Variants in CELSR2 observed in about 807,000 individuals in gnomAD.
CELSR2 encodes cadherin EGF LAG seven-pass G-type receptor 2.
CELSR2 carries 81 observed loss-of-function variants against 251.6 expected under a neutral mutation model. The ratio of observed to expected loss-of-function variants is 0.32; its 90% CI spans 0.27 to 0.39. The LOEUF is 0.39. Among genes scored for constraint, CELSR2 ranks in the 10% least tolerant of loss-of-function variants. The pLI, the probability that CELSR2 is intolerant of heterozygous loss-of-function variation, is 1.00. For synonymous variants in CELSR2, 1,721 were observed against 1,670.5 expected (o/e 1.03, Z -0.74); for missense variants, 3,365 against 3,947.7 (o/e 0.85, Z 3.96).
chr1:109,261,102 G>C lies in CELSR2; in HGVS notation c.4019G>C (p.Gly1340Ala). Residue 1340 changes from glycine to alanine, a missense_variant, in exon 3 of 34, where the codon GGG (glycine) becomes GCG (alanine). Gly to Ala is a moderately conservative substitution (Grantham distance 60, BLOSUM62 0). This residue lies in a region of CELSR2 where 2,093 missense variants were observed against 2,382.8 expected (regional missense o/e 0.88). Coordinates refer to ENST00000271332, the MANE Select transcript of CELSR2 (RefSeq NM_001408.3). The surrounding 1 kb of genome is among the most constrained non-coding windows in gnomAD (Gnocchi z 4.8). ...GRCTPGVCKN[G>A]GTCVNLLVGG... ...TGCACCCCGGGTGTCTGCAAGAATG[G>C]GGGCACCTGTGTCAACCTGCTGGTG... 1 of 1,614,138 alleles carries C rather than the reference G, an allele frequency of 6.2e-7. No homozygotes were observed. The highest frequency in any genetic ancestry group is 8.5e-7 in the Non-Finnish European group (1 of 1,180,016).
rs1297043677 is a variant in CELSR2 at position 109,249,827 on chromosome 1, GC to G, written c.-252del. On this transcript the variant is annotated 5_prime_UTR_variant, in exon 1 of 34. Transcript: ENST00000271332. ...GTGAGTGCCCGGAGCGCAGGTGGAG[GC>G]GCGGCGGCAGCCCGCGGTGCTCAGG... 6.7e-6 allele frequency among the ~76,000 whole-genome samples: 1 copy of G among 150,112 alleles called. No individual in the cohort carries two copies. The highest frequency in any genetic ancestry group is 6.6e-5 in the Admixed American group (1 of 15,108).
intron 17 of CELSR2, 111 bp from the exon 18 acceptor site, chr1:109,268,470 G>A: frequency 1.5e-6 from 2 of 1,375,130 alleles, no homozygotes; most frequent in Non-Finnish European, 1.9e-6. Flanking sequence ...TGAGCACAGA[G>A]GGAGGGGCCT....
At position 109,252,334 on chromosome 1, in the gene CELSR2, A is replaced by G; in HGVS notation, c.2255A>G (p.Glu752Gly). The G allele has an allele frequency of 6.2e-7, 1 of 1,613,116 alleles. No individual in the cohort carries two copies. The highest frequency in any genetic ancestry group is 8.5e-7 in the Non-Finnish European group (1 of 1,180,024). The part of the protein sequence containing the change: ...GENARITYFM[E>G]DSIPQFRIDA... ...AATGCCCGCATCACCTACTTCATGG[A>G]GGACAGCATCCCCCAGTTCCGCATC... The change falls in exon 1 of 34, where the codon GAG becomes GGG. Residue 752 changes from glutamate (E) to glycine (G), a missense_variant. Physicochemically the swap from Glu to Gly is moderately conservative, Grantham distance 98. Coordinates refer to ENST00000271332, the MANE Select transcript of CELSR2 (RefSeq NM_001408.3). This position sits in a 1 kb window ranked among gnomAD's most constrained non-coding sequence, Gnocchi z 4.8.
rs745651926 is a variant in CELSR2 at position 109,265,938 on chromosome 1, TG to T, written c.5911+23del. The T allele has an allele frequency of 8.1e-6, 13 of 1,605,750 alleles. No individual in the cohort carries two copies. The highest frequency in any genetic ancestry group is 1.0e-5 in the Non-Finnish European group (12 of 1,175,216). On this transcript the variant is annotated intron_variant, in intron 14 of 33. Coordinates refer to ENST00000271332, the MANE Select transcript of CELSR2 (RefSeq NM_001408.3). ...GTGAAGGTGGGGCTCCTGGGATGGG[TG>T]GGCAGCCCTCCTTACAGTGTGCTAG...
At chr1:109,268,538 G>C in intron 17 of CELSR2, 43 bp from the exon 18 acceptor site, 3 of 1,561,554 alleles carry the variant, frequency 1.9e-6, no homozygotes, top group South Asian at 2.4e-5. Flanking sequence ...GGGATGTCAG[G>C]TGTGGGTTGT....
Position 109,265,293 on chromosome 1 carries a change from C to A in CELSR2, c.5709C>A (p.Ser1903Arg). 6.2e-7 allele frequency: 1 copy of A among 1,606,368 alleles called. No homozygotes were observed. Among genetic ancestry groups the A allele is most frequent in the Non-Finnish European group, 8.5e-7 (1 of 1,175,904 alleles). The change falls in exon 13 of 34, where the codon AGC (serine) becomes AGA (arginine). Residue 1903 changes from serine to arginine, a missense_variant. Around this residue, in one of 5 missense-constraint regions of CELSR2, gnomAD observed 2,093 missense variants for 2,382.8 expected, o/e 0.88. Transcript: ENST00000271332. ...KGFDPDCNKTSGECHCKENHY... is the reference protein window; with the variant it reads ...KGFDPDCNKTRGECHCKENHY... Reference sequence around the variant, plus strand: ...TTGACCCAGACTGCAACAAGACAAGCGGCGAGTGCCACTGCAAGGTGACAG... The same window carrying A: ...TTGACCCAGACTGCAACAAGACAAGAGGCGAGTGCCACTGCAAGGTGACAG...
In CELSR2 at chr1:109,266,633, G is replaced by A. The variant is rs577188537; in HGVS notation, c.6013+427G>A. Among the ~76,000 whole-genome samples the A allele has an allele frequency of 1.6e-4, 22 of 136,776 alleles. No individual in the cohort carries two copies. In the East Asian group the frequency reaches 3.0e-3, roughly 18 times the overall value. The allele number at this position is 136,776 out of a possible 152,430, so 89.7% of individuals were successfully genotyped here. A position where few individuals can be genotyped will look rare whatever the true frequency, so the allele number is the denominator to read the frequency against. ...TCACCATGTTGGCCAGTCTGGTCTC[G>A]AACTCCTGACCTCATGATCCGCCTG... On this transcript the variant is annotated intron_variant, in intron 15 of 33. Coordinates refer to ENST00000271332, the MANE Select transcript of CELSR2 (RefSeq NM_001408.3).
rs1160868978 is a variant in CELSR2 at position 109,250,817 on chromosome 1, G to T, written c.738G>T (p.Glu246Asp). 1 of 1,613,972 alleles carries T rather than the reference G, an allele frequency of 6.2e-7. No individual in the cohort carries two copies. The highest frequency in any genetic ancestry group is 8.5e-7 in the Non-Finnish European group (1 of 1,180,040). Residue 246 changes from glutamate (E) to aspartate (D), a missense_variant, in exon 1 of 34, where the codon GAG (glutamate) becomes GAT (aspartate). This residue lies in a region of CELSR2 where 704 missense variants were observed against 784.1 expected (regional missense o/e 0.90). Coordinates refer to ENST00000271332, the MANE Select transcript of CELSR2 (RefSeq NM_001408.3). This position sits in a 1 kb window ranked among gnomAD's most constrained non-coding sequence, Gnocchi z 4.4. Reference protein sequence around the residue: ...PVTGAVTTAEELDRETKSTHV... With the variant: ...PVTGAVTTAEDLDRETKSTHV... Reference sequence around the variant, plus strand: ...CTGGTGCAGTAACCACAGCCGAGGAGCTGGATCGTGAGACCAAGAGCACCC... The same window carrying T: ...CTGGTGCAGTAACCACAGCCGAGGATCTGGATCGTGAGACCAAGAGCACCC...
chr1:109,257,564 C>T (rs1192507210), intron 1 of CELSR2, among the ~76,000 whole-genome samples: 4 of 152,142 alleles, frequency 2.6e-5, no homozygotes, highest in Admixed American at 2.6e-4. Flanking sequence ...GAGTGTGTTG[C>T]CTGGGGGCAT....
chr1:109,261,793 T>A lies in CELSR2; in HGVS notation c.4298-15T>A, dbSNP rs1179951068. 2 of 1,583,256 alleles carry A rather than the reference T, an allele frequency of 1.3e-6. No individual in the cohort carries two copies. The highest frequency in any genetic ancestry group is 2.3e-5 in the South Asian group (2 of 87,680). On this transcript the variant is annotated splice_polypyrimidine_tract_variant and intron_variant, in intron 4 of 33. Coordinates refer to ENST00000271332, the MANE Select transcript of CELSR2 (RefSeq NM_001408.3). This position sits in a 1 kb window ranked among gnomAD's most constrained non-coding sequence, Gnocchi z 4.8. ...CCCTCGTCAGGCATTCCAGCTCACC[T>A]GGTCCTTTCCCCAGGGGAGTCAACC...
chr1:109,265,885 C>T lies in CELSR2; in HGVS notation c.5878C>T (p.Pro1960Ser), dbSNP rs773713342. 6.2e-7 allele frequency: 1 copy of T among 1,613,900 alleles called. No individual in the cohort carries two copies. The highest frequency in any genetic ancestry group is 1.1e-5 in the South Asian group (1 of 91,082). Residue 1960 changes from proline (P) to serine (S), a missense_variant, in exon 14 of 34, where the codon CCT (proline) becomes TCT (serine). By Grantham distance (74) the Pro-to-Ser change is moderately conservative. Around this residue, in one of 5 missense-constraint regions of CELSR2, gnomAD observed 2,093 missense variants for 2,382.8 expected, o/e 0.88. Coordinates refer to ENST00000271332, the MANE Select transcript of CELSR2 (RefSeq NM_001408.3). ...IGRQCDRCDN[P>S]FAEVTTNGCE... is the part of the protein sequence containing the mutation. ...GCGTCAGTGTGACCGCTGTGACAACCCTTTTGCTGAGGTCACCACCAATGG... is the reference window on the plus strand; with the variant it reads ...GCGTCAGTGTGACCGCTGTGACAACTCTTTTGCTGAGGTCACCACCAATGG...
chr1:109,272,425 G>A lies in CELSR2; in HGVS notation c.8054+20G>A, dbSNP rs1236609791. Reference sequence around the variant, plus strand: ...GCTGAGGTGAATCCCGGAGATGGGAGGGTGGAGGAGGGGAGGAGGGGCCCA... The same window carrying A: ...GCTGAGGTGAATCCCGGAGATGGGAAGGTGGAGGAGGGGAGGAGGGGCCCA... On this transcript the variant is annotated intron_variant, in intron 29 of 33. Transcript: ENST00000271332. 3 of 1,596,592 alleles carry A rather than the reference G, an allele frequency of 1.9e-6. No homozygotes were observed. Among genetic ancestry groups the A allele is most frequent in the Admixed American group, 3.4e-5 (2 of 58,968 alleles).
chr1:109,268,513 CG>C, intron 17 of CELSR2, 67 bp from the exon 18 acceptor site: 2 of 1,521,610 alleles, frequency 1.3e-6, no homozygotes, highest in Middle Eastern at 2.4e-4. Flanking sequence ...GGGCACAGGC[CG>C]GGGCTCCATG....
intron 1 of CELSR2, among the ~76,000 whole-genome samples, chr1:109,258,214 T>TGCC (rs1231162901): frequency 1.3e-5 from 2 of 152,042 alleles, no homozygotes; most frequent in Non-Finnish European, 2.9e-5. Context: ...TTAAGAGGTG[T>TGCC]GCCGTGCATC....
chr1:109,271,869 C>A, intron 28 of CELSR2, 147 bp downstream of exon 28: 1 of 1,086,974 alleles, frequency 9.2e-7, no homozygotes, highest in South Asian at 1.6e-5. Context: ...TGTGTTCGGC[C>A]TGGGGAGGAG....
intron 17 of CELSR2, 24 bp from the exon 18 acceptor site, chr1:109,268,557 C>G (rs763585929): frequency 5.7e-6 from 9 of 1,586,534 alleles, no homozygotes; most frequent in African/African-American, 1.3e-5. Context: ...GTGAGCACAC[C>G]CACCGTGACC....
rs934791329 is a variant in CELSR2, at chr1:109,250,777, C to T, written c.698C>T (p.Ser233Phe). 3.1e-6 allele frequency: 5 copies of T among 1,613,968 alleles called. No individual in the cohort carries two copies. Among genetic ancestry groups the T allele is most frequent in the Non-Finnish European group, 3.4e-6 (4 of 1,180,024 alleles). Residue 233 changes from serine (S) to phenylalanine (F), a missense_variant, in exon 1 of 34, where the codon TCC becomes TTC. This residue lies in a region of CELSR2 where 704 missense variants were observed against 784.1 expected (regional missense o/e 0.90). Coordinates refer to ENST00000271332, the MANE Select transcript of CELSR2 (RefSeq NM_001408.3). The surrounding 1 kb of genome is among the most constrained non-coding windows in gnomAD (Gnocchi z 4.4). ...LFDSRSNQFF[S>F]LDPVTGAVTT... The stretch of plus-strand genomic sequence containing the variant: ...GATAGCCGCTCCAACCAGTTCTTCT[C>T]CCTGGACCCAGTCACTGGTGCAGTA...
intron 1 of CELSR2, among the ~76,000 whole-genome samples, chr1:109,253,811 C>T (rs1655772248): frequency 6.6e-6 from 1 of 152,346 alleles, no homozygotes; most frequent in Admixed American, 6.5e-5. Flanking sequence ...TCAAGATATT[C>T]CTGCAGTCTC....
At position 109,274,096 on chromosome 1, in the gene CELSR2, C is replaced by A. The variant is rs770803493; in HGVS notation, c.*47C>A. ...CCCGAGGCTCCCTTCCCTTCCCCAGCCGCACTCATGCCCTGCTCCTGTCTT... is the reference window on the plus strand; with the variant it reads ...CCCGAGGCTCCCTTCCCTTCCCCAGACGCACTCATGCCCTGCTCCTGTCTT... On this transcript the variant is annotated 3_prime_UTR_variant, in exon 34 of 34. Transcript: ENST00000271332. 1.9e-6 allele frequency: 3 copies of A among 1,613,692 alleles called. No individual in the cohort carries two copies. The highest frequency in any genetic ancestry group is 2.7e-5 in the African/African-American group (2 of 74,916).
Sources: gnomAD v4.1 joint callset for allele counts (sites outside exome capture counted in the v4.1 genomes callset) on GRCh38, gnomAD v4.1.1 for gene constraint, gnomAD v4.1.1 regional missense constraint, Gnocchi (gnomAD v3.1) non-coding constraint, MANE v1.5 for transcripts, NCBI Gene and HGNC (gene_info 2026-07-23, HGNC 2026-07-21) for gene names.